Variants in MGMT observed in about 807,000 individuals in gnomAD.
The protein encoded by MGMT is methylated-DNA--protein-cysteine methyltransferase.
Under a neutral mutation model 15.9 loss-of-function variants are expected in MGMT, and 14 were observed. That is an observed-to-expected ratio of 0.88 (90% CI 0.58 to 1.37). The LOEUF (loss-of-function observed/expected upper bound fraction) is 1.37, where lower values mean the gene tolerates loss of function less well. MGMT is among the 40% of genes most tolerant of loss of function. MGMT has a pLI of 0.00. For missense variants in MGMT, 282 were observed against 268.1 expected (o/e 1.05, Z -0.36); for synonymous variants, 130 against 118.2 (o/e 1.10, Z -0.65).
intron 3 of MGMT, among the ~76,000 whole-genome samples, chr10:129,731,075 G>C (rs1055779065): frequency 6.6e-6 from 1 of 152,180 alleles, no homozygotes; most frequent in African/African-American, 2.4e-5. Flanking sequence ...CTTCAGCCAG[G>C]AGGAAGGTCC....
chr10:129,741,793 G>A (rs1252872190), intron 3 of MGMT, among the ~76,000 whole-genome samples: 4 of 152,190 alleles, frequency 2.6e-5, no homozygotes, highest in African/African-American at 9.6e-5. Flanking sequence ...CCAGAGCAGA[G>A]CTGCAGAAGC....
chr10:129,542,022 C>T (rs928222001), intron 2 of MGMT, among the ~76,000 whole-genome samples: 11 of 152,298 alleles, frequency 7.2e-5, no homozygotes, highest in Admixed American at 1.3e-4. Flanking sequence ...AACGTGAGAA[C>T]GTATCCTGCC....
At chr10:129,618,266 A>G (rs967317516) in intron 2 of MGMT, among the ~76,000 whole-genome samples, 1 of 152,134 alleles carries the variant, frequency 6.6e-6, no homozygotes, top group Admixed American at 6.5e-5. Context: ...ATCAAAGTTT[A>G]GAGTGCTGGC....
chr10:129,552,601 A>G (rs1379856185), intron 2 of MGMT, among the ~76,000 whole-genome samples: 4 of 152,218 alleles, frequency 2.6e-5, no homozygotes, highest in Non-Finnish European at 4.4e-5. Flanking sequence ...GTCTTGGTGG[A>G]GAATTCTGCA....
chr10:129,502,905 G>A (rs1163306013), intron 1 of MGMT, among the ~76,000 whole-genome samples: 1 of 152,186 alleles, frequency 6.6e-6, no homozygotes, highest in Non-Finnish European at 1.5e-5. Context: ...GCATAAAAAT[G>A]CATGTAGTCC....
intron 1 of MGMT, among the ~76,000 whole-genome samples, chr10:129,490,481 A>G (rs1845458381): frequency 8.2e-6 from 1 of 122,242 alleles, no homozygotes; most frequent in Non-Finnish European, 1.7e-5. Flanking sequence ...ATTGTTTTTA[A>G]GGTTATTTAT....
intron 3 of MGMT, among the ~76,000 whole-genome samples, chr10:129,738,923 G>A (rs1461270572): frequency 5.3e-5 from 8 of 152,146 alleles, no homozygotes; most frequent in South Asian, 2.1e-4. Context: ...CTGGCAAACC[G>A]AATCCAGCAG....
rs569216718 is a variant in MGMT at position 129,764,356 on chromosome 10, C to T, written c.415-2432C>T. Among the ~76,000 whole-genome samples, 213 of 152,326 alleles carry T rather than the reference C, an allele frequency of 1.4e-3. 3 individuals carry two copies. Among genetic ancestry groups the T allele is most frequent in the Non-Finnish European group, 9.3e-4 (63 of 68,014 alleles). On this transcript the variant is annotated intron_variant, in intron 4 of 4. Coordinates refer to ENST00000651593, the MANE Select transcript of MGMT (RefSeq NM_002412.5). ...GGGCTGGGGCTTCCCCCACCTCCCT[C>T]GGGGACGTGTGTAGCTGGGCCCCAC...
rs1400893793 is a variant in MGMT at position 129,536,233 on chromosome 10, CT to C, written c.-12-7del. 3 of 1,613,324 alleles carry C rather than the reference CT, an allele frequency of 1.9e-6. No individual in the cohort carries two copies. The highest frequency in any genetic ancestry group is 1.7e-5 in the Admixed American group (1 of 59,774). On this transcript the variant is annotated splice_region_variant and splice_polypyrimidine_tract_variant and intron_variant, in intron 1 of 4. Transcript: ENST00000651593. ...ATACACTTTGTCTTAAAAATTATTT[CT>C]GTTTAGGTACTTGGAAAAATGGACA...
intron 2 of MGMT, among the ~76,000 whole-genome samples, chr10:129,625,903 T>TTGATATTTGCA (rs1034257072): frequency 6.6e-6 from 1 of 152,196 alleles, no homozygotes; most frequent in African/African-American, 2.4e-5. Context: ...AAATCCCTTT[T>TTGATATTTGCA]TGATATTTGC....
intron 2 of MGMT, among the ~76,000 whole-genome samples, chr10:129,680,940 C>T (rs1475597900): frequency 6.6e-6 from 1 of 152,208 alleles, no homozygotes; most frequent in Non-Finnish European, 1.5e-5. Flanking sequence ...TAAAGCGTCG[C>T]CACCATGCAA....
chr10:129,520,556 AG>A (rs1237395848), intron 1 of MGMT, among the ~76,000 whole-genome samples: 1 of 141,292 alleles, frequency 7.1e-6, no homozygotes, highest in Non-Finnish European at 1.5e-5. Flanking sequence ...CCTACCGTGC[AG>A]GTGCAGAGCC....
intron 1 of MGMT, among the ~76,000 whole-genome samples, chr10:129,474,153 A>G (rs1037978175): frequency 6.6e-6 from 1 of 152,164 alleles, no homozygotes; most frequent in African/African-American, 2.4e-5. Context: ...CTGGACAGGA[A>G]GGCAGAGCTA....
At chr10:129,525,185 C>G (rs1845856036) in intron 1 of MGMT, among the ~76,000 whole-genome samples, 1 of 152,154 alleles carries the variant, frequency 6.6e-6, no homozygotes, top group South Asian at 2.1e-4. Flanking sequence ...CTTGATTGCA[C>G]AGATTCAAAG....
chr10:129,765,748 C>T (rs900696310), intron 4 of MGMT, among the ~76,000 whole-genome samples: 2 of 152,178 alleles, frequency 1.3e-5, no homozygotes, highest in East Asian at 1.9e-4. Flanking sequence ...GGAGCCCTAA[C>T]AGTGCTAAGC....
At chr10:129,716,837 A>G (rs1848304453) in intron 3 of MGMT, among the ~76,000 whole-genome samples, 1 of 152,226 alleles carries the variant, frequency 6.6e-6, no homozygotes, top group Non-Finnish European at 1.5e-5. Context: ...CGCATCCTTG[A>G]AAATAACTGT....
intron 1 of MGMT, among the ~76,000 whole-genome samples, chr10:129,496,448 G>A (rs895008040): frequency 6.6e-6 from 1 of 152,174 alleles, no homozygotes; most frequent in Non-Finnish European, 1.5e-5. Flanking sequence ...TAACATTTTA[G>A]TAAAATCAAA....
chr10:129,501,999 G>A lies in MGMT; in HGVS notation c.-12-34242G>A, dbSNP rs140615238. On this transcript the variant is annotated intron_variant, in intron 1 of 4. Transcript: ENST00000651593. ...CTTGGTTCTCCCCATGTGATACTGG[G>A]ACAGCTGTGGGATGGGATGGGCGCA... 1.8e-4 allele frequency among the ~76,000 whole-genome samples: 28 copies of A among 152,334 alleles called. No homozygotes were observed. The East Asian group carries it at 5.4e-3, about 29-fold the overall frequency.
chr10:129,654,103 C>A (rs1042826393), intron 2 of MGMT, among the ~76,000 whole-genome samples: 3 of 152,168 alleles, frequency 2.0e-5, no homozygotes, highest in Non-Finnish European at 4.4e-5. Flanking sequence ...TTGCCCACCT[C>A]GGTGGCTGCC....
Sources: allele counts gnomAD v4.1 joint callset (sites outside exome capture counted in the v4.1 genomes callset), GRCh38; gene constraint gnomAD v4.1.1; transcripts MANE v1.5; gene names NCBI Gene and HGNC (gene_info 2026-07-23, HGNC 2026-07-21).